The following DOCK4 variants were observed in gnomAD, a reference collection of about 807,000 sequenced individuals.
The protein encoded by DOCK4 is dedicator of cytokinesis protein 4.
In DOCK4, 97 loss-of-function variants were observed where a neutral mutation model predicts 268.1. The ratio of observed to expected loss-of-function variants is 0.36; its 90% CI spans 0.31 to 0.43. DOCK4 has a LOEUF of 0.43. DOCK4 is among the 20% of genes least tolerant of loss of function. The probability of loss-of-function intolerance (pLI) is 1.00; values close to 1 mark genes in which losing one functional copy is unlikely to be tolerated. For missense variants in DOCK4, 2,145 were observed against 2,455.7 expected (o/e 0.87, Z 2.67); for synonymous variants, 954 against 887.2 (o/e 1.08, Z -1.34).
At chr7:111,841,127 T>TG (rs1209311659) in intron 25 of DOCK4, among the ~76,000 whole-genome samples, 3 of 151,622 alleles carry the variant, frequency 2.0e-5, no homozygotes, top group Admixed American at 6.6e-5. Context: ...ACACTAACTT[T>TG]GAGATAAGTA....
intron 1 of DOCK4, among the ~76,000 whole-genome samples, chr7:112,058,722 C>T (rs1044463396): frequency 3.3e-5 from 5 of 152,000 alleles, no homozygotes; most frequent in Non-Finnish European, 7.4e-5. Context: ...GTCAGCTAGA[C>T]AGAAGAAAGG....
intron 8 of DOCK4, among the ~76,000 whole-genome samples, chr7:111,959,741 T>C (rs979600856): frequency 2.6e-5 from 4 of 152,224 alleles, no homozygotes; most frequent in African/African-American, 9.6e-5. Context: ...GGCTATTAGA[T>C]TGTATCAGCC....
chr7:111,946,722 C>G (rs7785555), intron 8 of DOCK4, among the ~76,000 whole-genome samples: 1 of 152,152 alleles, frequency 6.6e-6, no homozygotes, highest in Non-Finnish European at 1.5e-5. Context: ...GCTGGGATTA[C>G]AGGTGCACAC....
intron 8 of DOCK4, among the ~76,000 whole-genome samples, chr7:111,962,547 G>A (rs112361459): frequency 2.0e-5 from 3 of 152,158 alleles, no homozygotes; most frequent in East Asian, 1.9e-4. Flanking sequence ...TTCGATTACC[G>A]TGCGGTACAC....
chr7:111,752,032 T>C (rs1465259629), intron 42 of DOCK4, among the ~76,000 whole-genome samples: 1 of 152,240 alleles, frequency 6.6e-6, no homozygotes, highest in Non-Finnish European at 1.5e-5. Flanking sequence ...GTACATTTTA[T>C]GATCAAGTAA....
At chr7:112,072,185 AC>A (rs1390709807) in intron 1 of DOCK4, among the ~76,000 whole-genome samples, 1 of 151,978 alleles carries the variant, frequency 6.6e-6, no homozygotes, top group Non-Finnish European at 1.5e-5. Flanking sequence ...CTCAGTAACT[AC>A]AAAGAGCTCA....
chr7:111,946,968 T>C (rs1795672790), intron 8 of DOCK4, among the ~76,000 whole-genome samples: 1 of 152,206 alleles, frequency 6.6e-6, no homozygotes, highest in South Asian at 2.1e-4. Flanking sequence ...AAAATTAATC[T>C]ACCAGCTACT....
chr7:111,860,005 C>A (rs1805369474), intron 23 of DOCK4, among the ~76,000 whole-genome samples: 1 of 152,158 alleles, frequency 6.6e-6, no homozygotes. Context: ...CTTTCCCCTC[C>A]AGTCAGACAG....
At chr7:112,077,452 T>G (rs866858677) in intron 1 of DOCK4, among the ~76,000 whole-genome samples, 158 of 152,260 alleles carry the variant, frequency 1.0e-3, no homozygotes, top group African/African-American at 3.6e-3. Context: ...TTATAGAAAC[T>G]AACGTCTTTT....
chr7:111,792,079 T>C (rs1030099291), intron 30 of DOCK4, among the ~76,000 whole-genome samples: 1 of 152,242 alleles, frequency 6.6e-6, no homozygotes, highest in African/African-American at 2.4e-5. Context: ...TGATTTCATG[T>C]AGCAGGTGAG....
At chr7:111,856,771 G>A (rs1805048180) in intron 23 of DOCK4, among the ~76,000 whole-genome samples, 1 of 152,070 alleles carries the variant, frequency 6.6e-6, no homozygotes, top group African/African-American at 2.4e-5. Flanking sequence ...TGAGATAAAG[G>A]GATTGAGACT....
chr7:112,078,030 A>C (rs17564870), intron 1 of DOCK4, among the ~76,000 whole-genome samples: 37,027 of 152,078 alleles, frequency 0.24, 6,030 homozygotes, highest in Non-Finnish European at 0.36. Context: ...CATAGATATT[A>C]ATTACACTAA....
intron 1 of DOCK4, among the ~76,000 whole-genome samples, chr7:112,198,381 T>C (rs1475230538): frequency 6.6e-6 from 1 of 152,190 alleles, no homozygotes; most frequent in Non-Finnish European, 1.5e-5. Flanking sequence ...AACAAATTTC[T>C]TTTGTTTAAA....
chr7:112,172,108 T>G (rs1452069036), intron 1 of DOCK4, among the ~76,000 whole-genome samples: 2 of 152,222 alleles, frequency 1.3e-5, no homozygotes, highest in African/African-American at 4.8e-5. Flanking sequence ...AGTGCTTGGT[T>G]AGGATTTATA....
chr7:111,892,197 T>TATTGATTG (rs551973744), intron 16 of DOCK4, among the ~76,000 whole-genome samples: 2 of 152,164 alleles, frequency 1.3e-5, no homozygotes, highest in Non-Finnish European at 2.9e-5. Flanking sequence ...ACAGATTGAT[T>TATTGATTG]ATTGATTGAT....
At chr7:111,832,865 G>C (rs1802949514) in intron 26 of DOCK4, among the ~76,000 whole-genome samples, 1 of 152,160 alleles carries the variant, frequency 6.6e-6, no homozygotes, top group South Asian at 2.1e-4. Context: ...CCTTGGAAGA[G>C]GTGTATTGGC....
intron 13 of DOCK4, among the ~76,000 whole-genome samples, chr7:111,913,839 G>C (rs988830857): frequency 1.3e-5 from 2 of 151,774 alleles, no homozygotes; most frequent in Non-Finnish European, 2.9e-5. Context: ...CAATGACTGT[G>C]CCACTGCACA....
chr7:112,182,373 A>T (rs1819132529), intron 1 of DOCK4, among the ~76,000 whole-genome samples: 1 of 152,258 alleles, frequency 6.6e-6, no homozygotes, highest in African/African-American at 2.4e-5. Flanking sequence ...TTTTTTAAAA[A>T]AGCAAGCTAC....
At chr7:111,760,376 A>C (rs752591824) in intron 39 of DOCK4, 54 bp from the exon 40 acceptor site, 16 of 1,563,808 alleles carry the variant, frequency 1.0e-5, no homozygotes, top group Non-Finnish European at 1.4e-5. Flanking sequence ...TGGATTACAG[A>C]CAGAGCCAAA....
Sources: gnomAD v4.1 joint callset for allele counts (sites outside exome capture counted in the v4.1 genomes callset) on GRCh38, gnomAD v4.1.1 for gene constraint, MANE v1.5 for transcripts, NCBI Gene and HGNC (gene_info 2026-07-23, HGNC 2026-07-21) for gene names.